Variants in PFKFB3 observed in about 807,000 individuals in gnomAD.
The protein encoded by PFKFB3 is 6-phosphofructo-2-kinase/fructose-2,6-bisphosphatase 3.
Under a neutral mutation model 68.0 loss-of-function variants are expected in PFKFB3, and 33 were observed. The observed-to-expected ratio is 0.49, with a 90% CI of 0.37 to 0.65. The LOEUF is 0.65. Among genes scored for constraint, PFKFB3 ranks in the 30% least tolerant of loss-of-function variants. The probability of loss-of-function intolerance (pLI) is 0.00; values close to 1 mark genes in which losing one functional copy is unlikely to be tolerated. For missense variants in PFKFB3, 586 were observed against 712.2 expected (o/e 0.82, Z 2.02); for synonymous variants, 315 against 288.2 (o/e 1.09, Z -0.94).
rs1021482130 is a variant in PFKFB3, at chr10:6,228,774, C to T, written c.1515+2409C>T. 6.6e-6 allele frequency among the ~76,000 whole-genome samples: 1 copy of T among 152,186 alleles called. No homozygotes were observed. Among genetic ancestry groups the T allele is most frequent in the Non-Finnish European group, 1.5e-5 (1 of 68,028 alleles). On this transcript the variant is annotated intron_variant, in intron 14 of 14. Coordinates refer to ENST00000379775, the MANE Select transcript of PFKFB3 (RefSeq NM_004566.4). This position sits in a 1 kb window ranked among gnomAD's most constrained non-coding sequence, Gnocchi z 4.5. ...CCCCAAAAGAGCTCCGAGTGGAGAC[C>T]CTTGGGGATCCGTTTGTCCTGGGTT... is the stretch of plus-strand genomic sequence containing the variant.
At chr10:6,276,838 T>TGTGTGTG in the PFKFB3 span, among the ~76,000 whole-genome samples, 36 of 147,308 alleles carry the variant, frequency 2.4e-4, no homozygotes, top group African/African-American at 4.5e-4. Context: ...TTATATGTAT[T>TGTGTGTG]TGTGTGTGTG....
chr10:6,228,357 C>A lies in PFKFB3; in HGVS notation c.1515+1992C>A. On this transcript the variant is annotated intron_variant, in intron 14 of 14. Transcript: ENST00000379775. This position sits in a 1 kb window ranked among gnomAD's most constrained non-coding sequence, Gnocchi z 4.5. Reference sequence around the variant, plus strand: ...TTCCGTGGGGGAAGGAGGAGATGGGCGTAGGAGTAGGGAGGAGAGATTCCT... The same window carrying A: ...TTCCGTGGGGGAAGGAGGAGATGGGAGTAGGAGTAGGGAGGAGAGATTCCT... 6.6e-6 allele frequency: 6 copies of A among 904,072 alleles called. No homozygotes were observed. The Middle Eastern group carries it at 1.1e-3, about 161-fold the overall frequency. The allele number at this position is 904,072 out of a possible 1,614,324, so 56.0% of individuals were successfully genotyped here.
At position 6,215,097 on chromosome 10, in the gene PFKFB3, C is replaced by A. The variant is rs1419359427; in HGVS notation, c.203-124C>A. ...ACTGGGCGCCGGCATTGCTTCCACA[C>A]CATCTCATTCAAGTCGGTGTGGTTG... On this transcript the variant is annotated intron_variant, in intron 2 of 14. Transcript: ENST00000379775. The surrounding 1 kb of genome is among the most constrained non-coding windows in gnomAD (Gnocchi z 4.3). 1 of 748,228 alleles carries A rather than the reference C, an allele frequency of 1.3e-6. No homozygotes were observed. The highest frequency in any genetic ancestry group is 2.1e-5 in the Admixed American group (1 of 47,004). The allele number at this position is 748,228 out of a possible 1,614,324, so 46.3% of individuals were successfully genotyped here.
At chr10:6,232,088 A>G (rs1845785396) in intron 14 of PFKFB3, among the ~76,000 whole-genome samples, 1 of 152,156 alleles carries the variant, frequency 6.6e-6, no homozygotes, top group South Asian at 2.1e-4. Context: ...TCTTTAGAGC[A>G]GTCCAGGTGG....
chr10:6,175,498 C>T (rs1169043889), intron 1 of PFKFB3, among the ~76,000 whole-genome samples: 2 of 152,344 alleles, frequency 1.3e-5, no homozygotes, highest in South Asian at 2.1e-4. Flanking sequence ...GCACCGCAGG[C>T]GCCAACTAGC....
At chr10:6,216,578 CA>C in intron 4 of PFKFB3, 127 bp from the exon 5 acceptor site, 2 of 737,034 alleles carry the variant, frequency 2.7e-6, no homozygotes, top group South Asian at 3.2e-5. Context: ...TGGGCAGGCA[CA>C]AGCTCCCCTG....
rs1259083517 is a variant in PFKFB3, at chr10:6,194,266, C to G, written c.17-19357C>G. On this transcript the variant is annotated intron_variant, in intron 1 of 14. Coordinates refer to the PFKFB3 transcript ENST00000379789. ...TGGAGATAAGACAAGCCTGGTTCAT[C>G]ACGGTTGAGTCTCTAAACCTAGATA... 2.6e-5 allele frequency among the ~76,000 whole-genome samples: 4 copies of G among 152,226 alleles called. No homozygotes were observed. In the South Asian group the frequency reaches 8.3e-4, roughly 32 times the overall value.
intron 1 of PFKFB3, among the ~76,000 whole-genome samples, chr10:6,207,937 C>T (rs771892904): frequency 7.2e-5 from 11 of 152,220 alleles, no homozygotes; most frequent in Non-Finnish European, 1.0e-4. Flanking sequence ...TCCTGGGTAC[C>T]GGGCTGAGTC....
At chr10:6,144,958 G>A in exon 1 of PFKFB3, 1 of 1,271,510 alleles carries the variant, frequency 7.9e-7, no homozygotes, top group Non-Finnish European at 9.9e-7. Context: ...GTCCTGTCTG[G>A]GTGTCGCGGG....
chr10:6,226,245 A>G lies in PFKFB3; in HGVS notation c.1395A>G (p.Leu465=), dbSNP rs763060765. Reference sequence around the variant, plus strand: ...TGAGACGCAATAGTGTCACCCCGCTAGCCAGCCCCGAACCCACCAAAAAGC... The same window carrying G: ...TGAGACGCAATAGTGTCACCCCGCTGGCCAGCCCCGAACCCACCAAAAAGC... ...PLMRRNSVTP[L]ASPEPTKKPR... The change falls in exon 14 of 15, where the codon CTA becomes CTG. Residue 465 remains leucine (L), a synonymous_variant. Coordinates refer to ENST00000379775, the MANE Select transcript of PFKFB3 (RefSeq NM_004566.4). 2 of 1,613,956 alleles carry G rather than the reference A, an allele frequency of 1.2e-6. No individual in the cohort carries two copies. The highest frequency in any genetic ancestry group is 3.3e-5 in the Admixed American group (2 of 60,010).
At chr10:6,192,987 C>T (rs75683584) in intron 1 of PFKFB3, among the ~76,000 whole-genome samples, 2,818 of 152,234 alleles carry the variant, frequency 0.019, 85 homozygotes, top group African/African-American at 0.062. Flanking sequence ...CTGTCCACCT[C>T]AGAGCCCTGC....
rs758865380 is a variant in PFKFB3, at chr10:6,213,605, TCTTG to T, written c.77-13_77-10del. 13 of 1,608,748 alleles carry T rather than the reference TCTTG, an allele frequency of 8.1e-6. No individual in the cohort carries two copies. The highest frequency in any genetic ancestry group is 3.4e-5 in the Admixed American group (2 of 59,456). On this transcript the variant is annotated splice_polypyrimidine_tract_variant and intron_variant, in intron 1 of 14. Transcript: ENST00000379775. ...GGTCACTTGGTTGATGACACACCCT[TCTTG>T]CTTGTTTTTCCAGCCTGTGGGCCAA... is the stretch of plus-strand genomic sequence containing the variant.
the PFKFB3 span, among the ~76,000 whole-genome samples, chr10:6,289,145 T>G: frequency 5.0e-5 from 7 of 139,336 alleles, no homozygotes; most frequent in Middle Eastern, 3.4e-3. Context: ...TTTCTCCCAT[T>G]TTGTAGGTTG....
the PFKFB3 span, among the ~76,000 whole-genome samples, chr10:6,323,923 T>G: frequency 6.6e-6 from 1 of 152,138 alleles, no homozygotes; most frequent in African/African-American, 2.4e-5. Context: ...CCCCAAAGTA[T>G]TGAGAGCAGG....
At chr10:6,217,011 T>C (rs1844630072) in intron 5 of PFKFB3, 124 bp from the exon 6 acceptor site, 1 of 1,023,178 alleles carries the variant, frequency 9.8e-7, no homozygotes, top group Non-Finnish European at 1.5e-6. Flanking sequence ...GAGGTGGGCT[T>C]TCCTGTGTTT....
chr10:6,257,214 T>C (rs1588574210), downstream of PFKFB3, among the ~76,000 whole-genome samples: 1 of 152,302 alleles, frequency 6.6e-6, no homozygotes, highest in East Asian at 1.9e-4. Context: ...CAAAGAACCC[T>C]TTCTGAGTCA....
chr10:6,262,460 A>AG, the PFKFB3 span, among the ~76,000 whole-genome samples: 1,600 of 141,584 alleles, frequency 0.011, 102 homozygotes, highest in African/African-American at 0.04. Flanking sequence ...CTCAAAAAAA[A>AG]AAAAAAAAAA....
intron 1 of PFKFB3, among the ~76,000 whole-genome samples, chr10:6,157,992 G>A (rs1463936491): frequency 6.6e-6 from 1 of 151,984 alleles, no homozygotes; most frequent in Non-Finnish European, 1.5e-5. Flanking sequence ...CCTTTTAAAA[G>A]TCAGGCAGTG....
intron 1 of PFKFB3, among the ~76,000 whole-genome samples, chr10:6,166,686 C>T (rs1006712194): frequency 3.3e-5 from 5 of 152,262 alleles, no homozygotes; most frequent in South Asian, 4.1e-4. Context: ...CCTGTTTCGG[C>T]CCATTGCCCC....
Sources: allele counts gnomAD v4.1 joint callset (sites outside exome capture counted in the v4.1 genomes callset), GRCh38; gene constraint gnomAD v4.1.1; non-coding constraint Gnocchi (gnomAD v3.1); transcripts MANE v1.5; gene names NCBI Gene and HGNC (gene_info 2026-07-23, HGNC 2026-07-21).